Variants in MTA3 observed in about 807,000 individuals in gnomAD.
MTA3 encodes the protein metastasis associated 1 family member 3.
A neutral mutation model predicts 83.5 loss-of-function variants in MTA3; 34 were observed. The observed-to-expected ratio is 0.41, with a 90% CI of 0.31 to 0.54. The LOEUF (loss-of-function observed/expected upper bound fraction) is 0.54. Among genes scored for constraint, MTA3 ranks in the 20% least tolerant of loss-of-function variants. The pLI is 0.33. For synonymous variants in MTA3, 303 were observed against 252.7 expected (o/e 1.20, Z -1.89); for missense variants, 761 against 726.4 (o/e 1.05, Z -0.55).
chr2:42,708,858 T>C lies in MTA3; in HGVS notation c.1303-16T>C. 6.2e-7 allele frequency: 1 copy of C among 1,613,278 alleles called. No homozygotes were observed. The highest frequency in any genetic ancestry group is 1.1e-5 in the South Asian group (1 of 90,998). On this transcript the variant is annotated splice_polypyrimidine_tract_variant and intron_variant, in intron 13 of 16. Transcript: ENST00000405094. ...AGTTCACTTCCTTGAGTGTTTGTTGTTTTCTGATTTTGCAGGACCCTCGTG... is the reference window on the plus strand; with the variant it reads ...AGTTCACTTCCTTGAGTGTTTGTTGCTTTCTGATTTTGCAGGACCCTCGTG...
intron 4 of MTA3, among the ~76,000 whole-genome samples, chr2:42,635,545 T>C (rs761790699): frequency 1.2e-4 from 18 of 152,048 alleles, no homozygotes; most frequent in Non-Finnish European, 2.2e-4. Flanking sequence ...GCAGAATCAC[T>C]TGAACCCAGG....
chr2:42,579,840 G>C (rs1382122594), intron 3 of MTA3, among the ~76,000 whole-genome samples: 1 of 151,776 alleles, frequency 6.6e-6, no homozygotes. Flanking sequence ...ATGAGCTACT[G>C]GGCCTGGCCT....
intron 4 of MTA3, among the ~76,000 whole-genome samples, chr2:42,611,045 G>A (rs1474595586): frequency 2.7e-5 from 4 of 148,742 alleles, no homozygotes; most frequent in Non-Finnish European, 4.4e-5. Context: ...GCAGTGGCGC[G>A]ATCTTGGCTC....
At chr2:42,529,201 G>A (rs1037740290) in intron 2 of MTA3, among the ~76,000 whole-genome samples, 3 of 152,136 alleles carry the variant, frequency 2.0e-5, no homozygotes, top group Non-Finnish European at 4.4e-5. Context: ...AGATAAAAAG[G>A]AACTCTCTTG....
intron 16 of MTA3, among the ~76,000 whole-genome samples, chr2:42,725,629 C>T (rs558814743): frequency 5.9e-5 from 9 of 152,298 alleles, no homozygotes; most frequent in African/African-American, 1.7e-4. Flanking sequence ...GCCTCAGAGC[C>T]AGAACGCAAC....
intron 4 of MTA3, among the ~76,000 whole-genome samples, chr2:42,633,894 A>G (rs1322655627): frequency 2.0e-5 from 3 of 152,184 alleles, no homozygotes; most frequent in Non-Finnish European, 4.4e-5. Context: ...GTCTCAAAAA[A>G]AAAAAAAACA....
intron 16 of MTA3, among the ~76,000 whole-genome samples, chr2:42,731,827 T>A (rs1668251873): frequency 6.6e-6 from 1 of 152,174 alleles, no homozygotes; most frequent in Non-Finnish European, 1.5e-5. Context: ...CTTCTCCCTA[T>A]GAGTCTGTAA....
chr2:42,584,825 C>T (rs1263852841), intron 3 of MTA3, among the ~76,000 whole-genome samples: 1 of 151,990 alleles, frequency 6.6e-6, no homozygotes, highest in Non-Finnish European at 1.5e-5. Context: ...TGTGTTCGTG[C>T]CACACCCTGG....
chr2:42,559,577 G>T (rs1047507653), intron 2 of MTA3, among the ~76,000 whole-genome samples: 7 of 150,460 alleles, frequency 4.7e-5, no homozygotes, highest in Non-Finnish European at 1.0e-4. Flanking sequence ...TGCTGGCTCT[G>T]CCTTAAAAAA....
chr2:42,736,083 G>T (rs1421286541), intron 16 of MTA3, among the ~76,000 whole-genome samples: 1 of 152,146 alleles, frequency 6.6e-6, no homozygotes, highest in African/African-American at 2.4e-5. Flanking sequence ...TCCTTCTTGG[G>T]AAGGCTTTCC....
chr2:42,627,192 C>G (rs1004131742), intron 4 of MTA3, among the ~76,000 whole-genome samples: 2 of 152,118 alleles, frequency 1.3e-5, no homozygotes, highest in Non-Finnish European at 2.9e-5. Context: ...ATCCTCTCAC[C>G]TCAGCCTCCT....
intron 2 of MTA3, among the ~76,000 whole-genome samples, chr2:42,554,633 C>T (rs748835895): frequency 6.6e-6 from 1 of 152,084 alleles, no homozygotes; most frequent in Non-Finnish European, 1.5e-5. Flanking sequence ...AAAGCCAGCC[C>T]GAATGACAGC....
At position 42,571,242 on chromosome 2, in the gene MTA3, C is replaced by CA. The variant is rs1388883617; in HGVS notation, c.96+745dup. Reference sequence around the variant, plus strand: ...AAACCCTGTTTCTACTAAAAAAGTACAAAAAAATTAGCTAGGCATGGTGGC... The same window carrying CA: ...AAACCCTGTTTCTACTAAAAAAGTACAAAAAAAATTAGCTAGGCATGGTGGC... On this transcript the variant is annotated intron_variant, in intron 2 of 16. Transcript: ENST00000405094. Among the ~76,000 whole-genome samples, 3 of 151,052 alleles carry CA rather than the reference C, an allele frequency of 2.0e-5. No individual in the cohort carries two copies. The East Asian group carries it at 5.9e-4, about 30-fold the overall frequency.
chr2:42,678,653 G>A (rs1038339036), intron 8 of MTA3, among the ~76,000 whole-genome samples: 1 of 152,164 alleles, frequency 6.6e-6, no homozygotes, highest in Non-Finnish European at 1.5e-5. Context: ...TAAGTGAGAT[G>A]TCAACCCTTG....
intron 2 of MTA3, among the ~76,000 whole-genome samples, chr2:42,529,351 A>G (rs1228110055): frequency 1.3e-5 from 2 of 152,170 alleles, no homozygotes; most frequent in African/African-American, 4.8e-5. Flanking sequence ...CCACTGTTCT[A>G]GACCAAAGGA....
chr2:42,640,126 G>T, intron 4 of MTA3, 47 bp from the exon 5 acceptor site: 1 of 1,352,162 alleles, frequency 7.4e-7, no homozygotes, highest in Non-Finnish European at 1.0e-6. Flanking sequence ...TCACTGAGAA[G>T]GTGAGGTGGC....
chr2:42,727,087 T>C (rs920857488), intron 16 of MTA3, among the ~76,000 whole-genome samples: 2 of 152,138 alleles, frequency 1.3e-5, no homozygotes, highest in Non-Finnish European at 2.9e-5. Flanking sequence ...TTCTAGCTAC[T>C]TGGCGGGGGC....
chr2:42,498,760 G>T (rs1674261469), intron 2 of MTA3, among the ~76,000 whole-genome samples: 1 of 152,138 alleles, frequency 6.6e-6, no homozygotes, highest in African/African-American at 2.4e-5. Context: ...GTTTGTAATG[G>T]CTGTCTATCC....
chr2:42,696,517 ATATAT>A lies in MTA3; in HGVS notation c.966+680_966+684del, dbSNP rs1359450634. Among the ~76,000 whole-genome samples the A allele has an allele frequency of 3.9e-5, 6 of 152,106 alleles. No homozygotes were observed. In the East Asian group the frequency reaches 1.2e-3, roughly 29 times the overall value. ...CATATTAGAACTGATAAAAAGGCAAATATATTTAACACAGACATTATTTTTCCTAT... is the reference window on the plus strand; with the variant it reads ...CATATTAGAACTGATAAAAAGGCAAATTAACACAGACATTATTTTTCCTAT... On this transcript the variant is annotated intron_variant, in intron 10 of 16. Coordinates refer to ENST00000405094, the MANE Select transcript of MTA3 (RefSeq NM_001330442.2).
Sources: gnomAD v4.1 joint callset for allele counts (sites outside exome capture counted in the v4.1 genomes callset) on GRCh38, gnomAD v4.1.1 for gene constraint, MANE v1.5 for transcripts, NCBI Gene and HGNC (gene_info 2026-07-23, HGNC 2026-07-21) for gene names.